Variants in FABP9 observed in about 807,000 individuals in gnomAD.
FABP9 encodes the protein fatty acid binding protein 9.
FABP9 carries 11 observed loss-of-function variants against 14.7 expected under a neutral mutation model. The observed-to-expected ratio is 0.75, with a 90% confidence interval of 0.47 to 1.24. FABP9 has a LOEUF of 1.24. Among genes scored for constraint, FABP9 ranks in the 50% most tolerant of loss-of-function variants. The pLI, the probability that FABP9 is intolerant of heterozygous loss-of-function variation, is 0.00. For synonymous variants in FABP9, 54 were observed against 50.6 expected (o/e 1.07, Z -0.29); for missense variants, 171 against 158.2 (o/e 1.08, Z -0.44).
chr8:81,458,351 G>A lies in FABP9; in HGVS notation c.*32C>T, dbSNP rs1409452392. ...TTCTTCAGGTACCAGTTCCTTGTCA[G>A]TGAACAAGTTTTCATTGCTGTGGAC... On this transcript the variant is annotated 3_prime_UTR_variant, in exon 4 of 4. Coordinates refer to ENST00000379071, the MANE Select transcript of FABP9 (RefSeq NM_001080526.2). The A allele has an allele frequency of 9.7e-6, 15 of 1,550,880 alleles. No individual in the cohort carries two copies. The highest frequency in any genetic ancestry group is 1.3e-5 in the Non-Finnish European group (15 of 1,122,926).
chr8:81,459,141 A>G (rs774173286), intron 2 of FABP9, 24 bp downstream of exon 2: 3 of 1,558,514 alleles, frequency 1.9e-6, no homozygotes, highest in Non-Finnish European at 1.7e-6. Flanking sequence ...TGATTGTTGA[A>G]CACCAGGAAG....
chr8:81,458,368 G>C lies in FABP9; in HGVS notation c.*15C>G. Reference sequence around the variant, plus strand: ...CCTTGTCAGTGAACAAGTTTTCATTGCTGTGGACCTTTCTTCACACCTTTT... The same window carrying C: ...CCTTGTCAGTGAACAAGTTTTCATTCCTGTGGACCTTTCTTCACACCTTTT... On this transcript the variant is annotated 3_prime_UTR_variant, in exon 4 of 4. Coordinates refer to ENST00000379071, the MANE Select transcript of FABP9 (RefSeq NM_001080526.2). 6.2e-7 allele frequency: 1 copy of C among 1,600,248 alleles called. No homozygotes were observed. The highest frequency in any genetic ancestry group is 8.6e-7 in the Non-Finnish European group (1 of 1,167,620).
intron 1 of FABP9, among the ~76,000 whole-genome samples, chr8:81,460,785 C>A (rs1211530413): frequency 6.6e-6 from 1 of 152,032 alleles, no homozygotes; most frequent in Non-Finnish European, 1.5e-5. Flanking sequence ...TGCTGTTCTT[C>A]CATTAGTAAA....
Position 81,458,622 on chromosome 8 carries a change from C to T in FABP9, c.328G>A (p.Val110Met), listed in dbSNP as rs1234288204. 2 of 1,612,960 alleles carry T rather than the reference C, an allele frequency of 1.2e-6. No homozygotes were observed. The highest frequency in any genetic ancestry group is 1.3e-5 in the African/African-American group (1 of 74,874). Residue 110 changes from valine (V) to methionine (M), a missense_variant, in exon 3 of 4, where the codon GTG becomes ATG. By Grantham distance (21) the Val-to-Met change is conservative. Coordinates refer to ENST00000379071, the MANE Select transcript of FABP9 (RefSeq NM_001080526.2). ...CTTACCACTACCATTTTTTCATCCA[C>T]AATTTTTCTTTTGATTGTTGTCTCT... ...GKETTIKRKIVDEKMVVECKM... is the reference protein window; with the variant it reads ...GKETTIKRKIMDEKMVVECKM...
intron 1 of FABP9, among the ~76,000 whole-genome samples, chr8:81,460,842 A>G (rs1443728219): frequency 6.6e-6 from 1 of 152,338 alleles, no homozygotes; most frequent in South Asian, 2.1e-4. Flanking sequence ...TTAATGTGTA[A>G]CTAAATGACT....
At chr8:81,460,481 GTCTATAAA>G (rs1484045094) in intron 1 of FABP9, among the ~76,000 whole-genome samples, 1 of 152,132 alleles carries the variant, frequency 6.6e-6, no homozygotes, top group Non-Finnish European at 1.5e-5. Flanking sequence ...AAACAAGTGA[GTCTATAAA>G]TCTATGAAGA....
chr8:81,460,607 A>G (rs1807677246), intron 1 of FABP9, among the ~76,000 whole-genome samples: 1 of 152,220 alleles, frequency 6.6e-6, no homozygotes, highest in Non-Finnish European at 1.5e-5. Flanking sequence ...GGGATAAGGC[A>G]TTGTTATTTC....
At chr8:81,460,044 G>C (rs144171115) in intron 1 of FABP9, among the ~76,000 whole-genome samples, 2,825 of 152,136 alleles carry the variant, frequency 0.019, 89 homozygotes, top group African/African-American at 0.065. Flanking sequence ...ATGTTGCCCA[G>C]GCTGGAGTGC....
chr8:81,461,415 T>A, intron 1 of FABP9, 36 bp downstream of exon 1: 1 of 1,409,174 alleles, frequency 7.1e-7, no homozygotes, highest in Non-Finnish European at 1.0e-6. Context: ...CACAAAATGC[T>A]TTGCCAATTT....
Position 81,458,288 on chromosome 8 carries a change from G to T in FABP9, c.*95C>A. Reference sequence around the variant, plus strand: ...TGCTTTTATTAAGCAAATTTATATTGAGACATTTTTTAAAAATCACCAGCC... The same window carrying T: ...TGCTTTTATTAAGCAAATTTATATTTAGACATTTTTTAAAAATCACCAGCC... On this transcript the variant is annotated 3_prime_UTR_variant, in exon 4 of 4. Transcript: ENST00000379071. 1.1e-6 allele frequency: 1 copy of T among 925,476 alleles called. No homozygotes were observed. Among genetic ancestry groups the T allele is most frequent in the Non-Finnish European group, 1.7e-6 (1 of 577,300 alleles). 57.3% of individuals were successfully genotyped at this position (925,476 alleles called of 1,614,324 possible).
At position 81,459,974 on chromosome 8, in the gene FABP9, C is replaced by T. The variant is rs941100839; in HGVS notation, c.74-637G>A. On this transcript the variant is annotated intron_variant, in intron 1 of 3. Coordinates refer to ENST00000379071, the MANE Select transcript of FABP9 (RefSeq NM_001080526.2). ...GTGTGGATAACTGTATACTTGACCT[C>T]GCAAGTTTTTTTTTTGTTTGTTTGT... Among the ~76,000 whole-genome samples, 8 of 134,152 alleles carry T rather than the reference C, an allele frequency of 6.0e-5. 1 individual carries two copies. Among genetic ancestry groups the T allele is most frequent in the Admixed American group, 1.4e-4 (2 of 13,796 alleles). The allele number at this position is 134,152 out of a possible 152,430, so 88.0% of individuals were successfully genotyped here.
Position 81,461,572 on chromosome 8 carries a change from A to G in FABP9, c.-49T>C, listed in dbSNP as rs777366610. The G allele has an allele frequency of 1.4e-5, 20 of 1,391,792 alleles. 1 individual carries two copies. The South Asian group carries it at 2.3e-4, about 16-fold the overall frequency. 86.2% of individuals were successfully genotyped at this position (1,391,792 alleles called of 1,614,324 possible). On this transcript the variant is annotated 5_prime_UTR_variant, in exon 1 of 4. Coordinates refer to ENST00000379071, the MANE Select transcript of FABP9 (RefSeq NM_001080526.2). ...CCACTCGTAATTGAAAACCAAAGAA[A>G]TATAGGCATTACGGTGCTGCCAGTA... is the stretch of plus-strand genomic sequence containing the variant.
intron 1 of FABP9, among the ~76,000 whole-genome samples, chr8:81,459,576 A>T (rs1402628930): frequency 1.3e-5 from 2 of 152,200 alleles, no homozygotes; most frequent in Non-Finnish European, 2.9e-5. Context: ...TCTAAAATGT[A>T]AATTTGTATG....
rs1807648209 is a variant in FABP9, at chr8:81,459,217, AAGG to A, written c.191_193del (p.Ser64del). ...TTCATCAAATTCTTCCCCCAGCTTG[AAGG>A]AGATCTTAGTGTCCTGGAAAGAACT... is the stretch of plus-strand genomic sequence containing the variant. On this transcript the variant is annotated inframe_deletion, in exon 2 of 4. Transcript: ENST00000379071. 1.3e-6 allele frequency: 2 copies of A among 1,593,668 alleles called. No individual in the cohort carries two copies.
rs1445073690 is a variant in FABP9 at position 81,461,524 on chromosome 8, C to T, written c.-1G>A. On this transcript the variant is annotated 5_prime_UTR_variant, in exon 1 of 4. It removes an upstream start codon present in the reference 5' UTR. Coordinates refer to ENST00000379071, the MANE Select transcript of FABP9 (RefSeq NM_001080526.2). Reference sequence around the variant, plus strand: ...AGGTTCCCAAGAAGGGCTCAACCATCATGGAACACTTGCTGAGAAGAGCCA... The same window carrying T: ...AGGTTCCCAAGAAGGGCTCAACCATTATGGAACACTTGCTGAGAAGAGCCA... 1 of 1,612,770 alleles carries T rather than the reference C, an allele frequency of 6.2e-7. No individual in the cohort carries two copies. The highest frequency in any genetic ancestry group is 8.5e-7 in the Non-Finnish European group (1 of 1,178,856).
At position 81,458,393 on chromosome 8, in the gene FABP9, T is replaced by G; in HGVS notation, c.389A>C (p.Glu130Ala). The change falls in exon 4 of 4, where the codon GAA (glutamate) becomes GCA (alanine). Residue 130 changes from glutamate (E) to alanine (A), a missense_variant. Glu to Ala is a moderately radical substitution (Grantham distance 107, BLOSUM62 -1). Transcript: ENST00000379071. ...MNNIVSTRIY[E>A]KV The stretch of plus-strand genomic sequence containing the variant: ...GCTGTGGACCTTTCTTCACACCTTT[T>G]CGTAGATTCTGGTGCTGACAATATT... 1 of 1,612,286 alleles carries G rather than the reference T, an allele frequency of 6.2e-7. No homozygotes were observed. The highest frequency in any genetic ancestry group is 8.5e-7 in the Non-Finnish European group (1 of 1,178,400).
intron 1 of FABP9, among the ~76,000 whole-genome samples, chr8:81,461,237 A>C (rs1807687464): frequency 6.6e-6 from 1 of 152,232 alleles, no homozygotes; most frequent in Non-Finnish European, 1.5e-5. Flanking sequence ...ATGGATCATG[A>C]CTGGACAGAG....
chr8:81,459,105 T>A, intron 2 of FABP9, 60 bp downstream of exon 2: 7 of 1,452,848 alleles, frequency 4.8e-6, no homozygotes, highest in Non-Finnish European at 6.5e-6. Context: ...CAGTAAACCA[T>A]GCCTAACCAC....
rs1412386201 is a variant in FABP9 at position 81,458,414 on chromosome 8, A to C, written c.368T>G (p.Ile123Ser). The stretch of plus-strand genomic sequence containing the variant: ...CTTTTCGTAGATTCTGGTGCTGACA[A>C]TATTATTCATTTTACATTCCTAAAA... ...KMVVECKMNN[I>S]VSTRIYEKV is the part of the protein sequence containing the mutation. Residue 123 changes from isoleucine (I) to serine (S), a missense_variant, in exon 4 of 4, where the codon ATT becomes AGT. Transcript: ENST00000379071. 6.2e-7 allele frequency: 1 copy of C among 1,612,758 alleles called. No homozygotes were observed. Among genetic ancestry groups the C allele is most frequent in the South Asian group, 1.1e-5 (1 of 91,052 alleles).
Sources: gnomAD v4.1 joint callset for allele counts (sites outside exome capture counted in the v4.1 genomes callset) on GRCh38, gnomAD v4.1.1 for gene constraint, MANE v1.5 for transcripts, NCBI Gene and HGNC (gene_info 2026-07-23, HGNC 2026-07-21) for gene names.